Variants in KCNJ6 observed in about 807,000 individuals in gnomAD.
KCNJ6 encodes the protein potassium inwardly rectifying channel subfamily J member 6, also known as G protein-activated inward rectifier potassium channel 2.
KCNJ6 carries 9 observed loss-of-function variants against 34.2 expected under a neutral mutation model. That is an observed-to-expected ratio of 0.26 (90% CI 0.16 to 0.46). The LOEUF is 0.46. Among genes scored for constraint, KCNJ6 ranks in the 20% least tolerant of loss-of-function variants. The probability of loss-of-function intolerance (pLI) is 1.00; values close to 1 mark genes in which losing one functional copy is unlikely to be tolerated. For synonymous variants in KCNJ6, 196 were observed against 207.1 expected, an observed-to-expected ratio of 0.95 and a Z score of 0.46; for missense variants, 236 against 531.3, an observed-to-expected ratio of 0.44 and a Z score of 5.46.
intron 1 of KCNJ6, among the ~76,000 whole-genome samples, chr21:37,865,829 C>T (rs762146): frequency 0.75 from 114,239 of 152,126 alleles, 43,147 homozygotes; most frequent in East Asian, 0.91. Context: ...ATTTAAACTG[C>T]ACTCAAGACC....
chr21:37,808,583 A>C (rs1297401574), intron 2 of KCNJ6, among the ~76,000 whole-genome samples: 1 of 152,232 alleles, frequency 6.6e-6, no homozygotes, highest in Non-Finnish European at 1.5e-5. Context: ...TTAAAAATCA[A>C]ATTTAATAAT....
intron 3 of KCNJ6, among the ~76,000 whole-genome samples, chr21:37,711,330 C>T (rs1034768580): frequency 2.6e-5 from 4 of 152,228 alleles, no homozygotes; most frequent in African/African-American, 9.6e-5. Context: ...TGCTTCCTAA[C>T]AGGGAAGAGG....
intron 3 of KCNJ6, among the ~76,000 whole-genome samples, chr21:37,655,826 C>T (rs2054461316): frequency 6.6e-6 from 1 of 152,154 alleles, no homozygotes; most frequent in Non-Finnish European, 1.5e-5. Context: ...GACGAAGCCA[C>T]GGAGGTCAGG....
intron 1 of KCNJ6, among the ~76,000 whole-genome samples, chr21:37,893,459 G>C (rs971004384): frequency 6.6e-6 from 1 of 152,034 alleles, no homozygotes; most frequent in Non-Finnish European, 1.5e-5. Context: ...ACCTGCCTTG[G>C]CCTCCCAAAG....
In KCNJ6 at chr21:37,608,084, A is replaced by T. The variant is rs1359468295; in HGVS notation, c.*17075T>A. On this transcript the variant is annotated 3_prime_UTR_variant, in exon 4 of 4. Coordinates refer to ENST00000609713, the MANE Select transcript of KCNJ6 (RefSeq NM_002240.5). Reference sequence around the variant, plus strand: ...TACTAAAGACTTCAGAGCCTTTAAGATGCAATGATGGGTTTATCAATAATA... The same window carrying T: ...TACTAAAGACTTCAGAGCCTTTAAGTTGCAATGATGGGTTTATCAATAATA... 1 of 152,212 alleles carries T rather than the reference A, an allele frequency of 6.6e-6. No homozygotes were observed. Among genetic ancestry groups the T allele is most frequent in the East Asian group, 1.9e-4 (1 of 5,198 alleles). 9.4% of individuals were successfully genotyped at this position (152,212 alleles called of 1,614,324 possible). A position where few individuals can be genotyped will look rare whatever the true frequency, so the allele number is the denominator to read the frequency against.
At chr21:37,634,674 G>A (rs1003067132) in intron 3 of KCNJ6, among the ~76,000 whole-genome samples, 3 of 151,368 alleles carry the variant, frequency 2.0e-5, no homozygotes, top group African/African-American at 7.3e-5. Flanking sequence ...AAAAAAGCAA[G>A]TTTTATAAAA....
intron 2 of KCNJ6, among the ~76,000 whole-genome samples, chr21:37,832,900 G>A (rs901439559): frequency 1.1e-4 from 17 of 152,294 alleles, no homozygotes; most frequent in African/African-American, 3.1e-4. Context: ...GTAGGCTGTC[G>A]TTCCAATTCT....
In KCNJ6 at chr21:37,615,301, G is replaced by A. The variant is rs908123217; in HGVS notation, c.*9858C>T. The A allele has an allele frequency of 3.6e-5, 5 of 140,682 alleles. No individual in the cohort carries two copies. Among genetic ancestry groups the A allele is most frequent in the Non-Finnish European group, 6.0e-5 (4 of 67,026 alleles). The allele number at this position is 140,682 out of a possible 1,614,324, so 8.7% of individuals were successfully genotyped here. ...GGAGTCTCGCTCTGTCGCCCAGGTC[G>A]GACTGCGGACTGCAGTGGCGCAATC... On this transcript the variant is annotated 3_prime_UTR_variant, in exon 4 of 4. Coordinates refer to ENST00000609713, the MANE Select transcript of KCNJ6 (RefSeq NM_002240.5).
chr21:37,725,110 A>G (rs549002655), intron 2 of KCNJ6, among the ~76,000 whole-genome samples: 1 of 152,326 alleles, frequency 6.6e-6, no homozygotes, highest in South Asian at 2.1e-4. Context: ...AGCAATAAAT[A>G]CCCCAACAGA....
intron 2 of KCNJ6, among the ~76,000 whole-genome samples, chr21:37,787,938 C>T (rs1329106596): frequency 2.6e-5 from 4 of 152,194 alleles, no homozygotes; most frequent in Non-Finnish European, 1.5e-5. Context: ...ACCCTTATCC[C>T]TGCACCATTA....
chr21:37,877,814 T>C (rs1381941136), intron 1 of KCNJ6, among the ~76,000 whole-genome samples: 2 of 152,242 alleles, frequency 1.3e-5, no homozygotes, highest in Non-Finnish European at 2.9e-5. Flanking sequence ...TGGAACTTAA[T>C]AGAATACCAG....
chr21:37,634,850 C>T (rs1426198893), intron 3 of KCNJ6, among the ~76,000 whole-genome samples: 5 of 151,450 alleles, frequency 3.3e-5, no homozygotes, highest in African/African-American at 1.2e-4. Context: ...TTTCTCCCTC[C>T]TGGGTTCAAG....
At chr21:37,671,886 ATT>A (rs35287056) in intron 3 of KCNJ6, among the ~76,000 whole-genome samples, 7 of 151,602 alleles carry the variant, frequency 4.6e-5, no homozygotes, top group Admixed American at 2.0e-4. Context: ...GAAATTCAAC[ATT>A]TTTTTTTGTG....
At chr21:37,625,541 A>C (rs1477489374) in intron 3 of KCNJ6, 57 bp from the exon 4 acceptor site, 1 of 1,346,586 alleles carries the variant, frequency 7.4e-7, no homozygotes, top group Non-Finnish European at 1.0e-6. Context: ...TCCATGGCCA[A>C]GGAGTCACAG....
chr21:37,867,192 T>A (rs545230280), intron 1 of KCNJ6, among the ~76,000 whole-genome samples: 1 of 152,360 alleles, frequency 6.6e-6, no homozygotes, highest in South Asian at 2.1e-4. Flanking sequence ...ATTTTCCATA[T>A]GTTAGTTTTA....
At chr21:37,707,359 T>C (rs2054725588) in intron 3 of KCNJ6, among the ~76,000 whole-genome samples, 1 of 152,200 alleles carries the variant, frequency 6.6e-6, no homozygotes, top group South Asian at 2.1e-4. Context: ...TTTTTGCCTG[T>C]GTGGTCTATA....
chr21:37,736,794 T>G (rs1292780794), intron 2 of KCNJ6, among the ~76,000 whole-genome samples: 1 of 152,186 alleles, frequency 6.6e-6, no homozygotes, highest in African/African-American at 2.4e-5. Context: ...GAGGCCAGGT[T>G]GGAACATCTG....
intron 2 of KCNJ6, among the ~76,000 whole-genome samples, chr21:37,796,771 CTTTCTTTCTTT>C (rs2055244257): frequency 3.8e-5 from 2 of 51,950 alleles, no homozygotes; most frequent in Admixed American, 2.7e-4. Flanking sequence ...TGTGGGCTTT[CTTTCTTTCTTT>C]TTTTTTTTTT....
Position 37,819,559 on chromosome 21 carries a change from G to T in KCNJ6, c.25+21099C>A, listed in dbSNP as rs186449475. 1.1e-4 allele frequency among the ~76,000 whole-genome samples: 16 copies of T among 152,120 alleles called. No individual in the cohort carries two copies. The East Asian group carries it at 1.9e-3, about 18-fold the overall frequency. ...CTTCAACAATGTACTACATGTCACTGCCCAGTCATGTGACAGGTACAGCTA... is the reference window on the plus strand; with the variant it reads ...CTTCAACAATGTACTACATGTCACTTCCCAGTCATGTGACAGGTACAGCTA... On this transcript the variant is annotated intron_variant, in intron 2 of 3. Transcript: ENST00000609713.
Sources: allele counts gnomAD v4.1 joint callset (sites outside exome capture counted in the v4.1 genomes callset), GRCh38; gene constraint gnomAD v4.1.1; transcripts MANE v1.5; gene names NCBI Gene and HGNC (gene_info 2026-07-23, HGNC 2026-07-21).